Variants in ANKHD1 observed in about 807,000 individuals in gnomAD.
ANKHD1 encodes the protein ankyrin repeat and KH domain-containing protein 1.
Under a neutral mutation model 230.5 loss-of-function variants are expected in ANKHD1, and 31 were observed. That is an observed-to-expected ratio of 0.13 (90% CI 0.10 to 0.18). ANKHD1 has a LOEUF of 0.18. ANKHD1 is among the 10% of genes least tolerant of loss of function. The pLI is 1.00. For missense variants in ANKHD1, 2,256 were observed against 3,071.3 expected (o/e 0.73, Z 6.27); for synonymous variants, 1,074 against 1,117.6 (o/e 0.96, Z 0.78).
Position 140,529,793 on chromosome 5 carries a change from G to A in ANKHD1, c.6847G>A (p.Val2283Ile). The A allele has an allele frequency of 6.2e-7, 1 of 1,613,518 alleles. No individual in the cohort carries two copies. Among genetic ancestry groups the A allele is most frequent in the Non-Finnish European group, 8.5e-7 (1 of 1,179,796 alleles). Residue 2283 changes from valine (V) to isoleucine (I), a missense_variant, in exon 29 of 34, where the codon GTT (valine) becomes ATT (isoleucine). Physicochemically the swap from Val to Ile is conservative, Grantham distance 29. Transcript: ENST00000360839. ...TTCCCAGCGAGTTTCTACTAGTCCA[G>A]TTGGTAAGTTATTAACTATTGCTGC... is the stretch of plus-strand genomic sequence containing the variant. ...PPSQRVSTSP[V>I]GLPSIDPSGS...
chr5:140,408,109 G>A (rs1421674452), intron 1 of ANKHD1, among the ~76,000 whole-genome samples: 2 of 152,216 alleles, frequency 1.3e-5, no homozygotes, highest in South Asian at 2.1e-4. Flanking sequence ...CCCGGGAGAC[G>A]GAGGCTGCAG....
chr5:140,496,443 CTTT>C, intron 14 of ANKHD1, 74 bp from the exon 15 acceptor site: 1 of 718,950 alleles, frequency 1.4e-6, no homozygotes, highest in Non-Finnish European at 1.8e-6. Flanking sequence ...GGCTGGTTTT[CTTT>C]TTTTTTTTTC....
intron 2 of ANKHD1, 132 bp downstream of exon 2, chr5:140,436,389 T>C (rs1773447067): frequency 3.4e-6 from 4 of 1,162,206 alleles, no homozygotes; most frequent in Non-Finnish European, 4.4e-6. Flanking sequence ...TTACTTTTTA[T>C]CTCCCAAAGA....
intron 1 of ANKHD1, among the ~76,000 whole-genome samples, chr5:140,406,767 C>T (rs765796308): frequency 5.9e-5 from 9 of 152,060 alleles, no homozygotes; most frequent in Non-Finnish European, 1.3e-4. Flanking sequence ...AACTCCTGAC[C>T]TCAGGTGATC....
At chr5:140,504,522 A>G (rs112327971) in intron 15 of ANKHD1, among the ~76,000 whole-genome samples, 157 of 152,336 alleles carry the variant, frequency 1.0e-3, no homozygotes, top group Middle Eastern at 6.8e-3. Context: ...GTGCTGTGTT[A>G]AGTATTTTAT....
chr5:140,441,821 T>C (rs1005628558), intron 5 of ANKHD1, among the ~76,000 whole-genome samples: 4 of 152,096 alleles, frequency 2.6e-5, no homozygotes, highest in Non-Finnish European at 5.9e-5. Flanking sequence ...TGTTAATTTG[T>C]TCTATAGTAA....
intron 1 of ANKHD1, among the ~76,000 whole-genome samples, chr5:140,417,405 A>T (rs1383113924): frequency 6.6e-6 from 1 of 151,428 alleles, no homozygotes; most frequent in Non-Finnish European, 1.5e-5. Context: ...TATTTATTTA[A>T]TTAAACATTT....
chr5:140,423,970 C>G (rs1581223726), intron 1 of ANKHD1, among the ~76,000 whole-genome samples: 1 of 152,216 alleles, frequency 6.6e-6, no homozygotes, highest in Non-Finnish European at 1.5e-5. Flanking sequence ...CATTCTGTCA[C>G]TCTTTTGGCC....
chr5:140,428,520 C>T (rs146748151), intron 1 of ANKHD1, among the ~76,000 whole-genome samples: 2,471 of 152,344 alleles, frequency 0.016, 75 homozygotes, highest in African/African-American at 0.056. Flanking sequence ...CCTGCAATCG[C>T]AGGCACTCGG....
In ANKHD1 at chr5:140,402,964, C is replaced by CTTTT. The variant is rs56939861; in HGVS notation, c.306+714_306+717dup. On this transcript the variant is annotated intron_variant, in intron 1 of 33. Coordinates refer to ENST00000360839, the MANE Select transcript of ANKHD1 (RefSeq NM_017747.3). Reference sequence around the variant, plus strand: ...GTGGGGCAACCTGTGGAAACCTCTTCTTTTTTTTTTTTTTTTTTTTTTTTT... The same window carrying CTTTT: ...GTGGGGCAACCTGTGGAAACCTCTTCTTTTTTTTTTTTTTTTTTTTTTTTTTTTT... Among the ~76,000 whole-genome samples, 20 of 73,944 alleles carry CTTTT rather than the reference C, an allele frequency of 2.7e-4. 1 individual carries two copies. Among genetic ancestry groups the CTTTT allele is most frequent in the Non-Finnish European group, 3.5e-4 (13 of 37,054 alleles). The allele number at this position is 73,944 out of a possible 152,430, so 48.5% of individuals were successfully genotyped here.
rs1255206424 is a variant in ANKHD1 at position 140,524,051 on chromosome 5, C to T, written c.4318-15C>T. The T allele has an allele frequency of 3.9e-6, 6 of 1,553,100 alleles. No individual in the cohort carries two copies. Among genetic ancestry groups the T allele is most frequent in the Non-Finnish European group, 5.2e-6 (6 of 1,161,978 alleles). Reference sequence around the variant, plus strand: ...CTGCCTTATTGGTAAAATTATATACCTGCTTTATTTCCAGTCAAGAGAAGA... The same window carrying T: ...CTGCCTTATTGGTAAAATTATATACTTGCTTTATTTCCAGTCAAGAGAAGA... On this transcript the variant is annotated splice_polypyrimidine_tract_variant and intron_variant, in intron 24 of 33. Coordinates refer to ENST00000360839, the MANE Select transcript of ANKHD1 (RefSeq NM_017747.3).
Position 140,529,639 on chromosome 5 carries a change from T to C in ANKHD1, c.6693T>C (p.Gly2231=). 1 of 1,614,214 alleles carries C rather than the reference T, an allele frequency of 6.2e-7. No homozygotes were observed. Among genetic ancestry groups the C allele is most frequent in the South Asian group, 1.1e-5 (1 of 91,086 alleles). ...QVPANQGWGD[G]PLSSRVATDA... ...CAGCTAACCAGGGCTGGGGAGATGGTCCACTGTCCTCACGAGTTGCTACAG... is the reference window on the plus strand; with the variant it reads ...CAGCTAACCAGGGCTGGGGAGATGGCCCACTGTCCTCACGAGTTGCTACAG... Residue 2231 remains glycine, a synonymous_variant, in exon 29 of 34, where the codon GGT becomes GGC. Transcript: ENST00000360839.
At position 140,438,575 on chromosome 5, in the gene ANKHD1, G is replaced by A. The variant is rs145577675; in HGVS notation, c.575G>A (p.Arg192Gln). The A allele has an allele frequency of 3.6e-5, 58 of 1,611,276 alleles. No individual in the cohort carries two copies. Among genetic ancestry groups the A allele is most frequent in the Middle Eastern group, 1.7e-4 (1 of 6,050 alleles). ...ALDEAAAALT[R>Q]MKAENSHNAG... is the part of the protein sequence containing the mutation. Reference sequence around the variant, plus strand: ...GATGAAGCTGCTGCTGCACTGACACGGATGAAAGCAGAAAACAGCCACAAT... The same window carrying A: ...GATGAAGCTGCTGCTGCACTGACACAGATGAAAGCAGAAAACAGCCACAAT... Residue 192 changes from arginine (R) to glutamine (Q), a missense_variant, in exon 3 of 34, where the codon CGG becomes CAG. Physicochemically the swap from Arg to Gln is conservative, Grantham distance 43. Coordinates refer to ENST00000360839, the MANE Select transcript of ANKHD1 (RefSeq NM_017747.3).
intron 9 of ANKHD1, among the ~76,000 whole-genome samples, chr5:140,460,205 T>C (rs1775602954): frequency 6.6e-6 from 1 of 152,156 alleles, no homozygotes; most frequent in Non-Finnish European, 1.5e-5. Flanking sequence ...ATTTGTGCTT[T>C]ATTATTAAGC....
Position 140,496,678 on chromosome 5 carries a change from A to G in ANKHD1, c.2404A>G (p.Lys802Glu), listed in dbSNP as rs1752057143. ...RISAIEKAQLKSLELIQGEPL... is the reference protein window; with the variant it reads ...RISAIEKAQLESLELIQGEPL... ...TAGTGCTATTGAAAAAGCACAGCTT[A>G]AGTCACTGGAGTTAATTCAAGGTGA... The change falls in exon 15 of 34, where the codon AAG (lysine) becomes GAG (glutamate). Residue 802 changes from lysine to glutamate, a missense_variant. By Grantham distance (56) the Lys-to-Glu change is moderately conservative. Around this residue, in one of 13 missense-constraint regions of ANKHD1, gnomAD observed 358 missense variants for 397.7 expected, o/e 0.90. Transcript: ENST00000360839. 6.2e-7 allele frequency: 1 copy of G among 1,613,868 alleles called. No homozygotes were observed.
chr5:140,491,788 C>G (rs1581332608), intron 14 of ANKHD1, among the ~76,000 whole-genome samples: 2 of 152,226 alleles, frequency 1.3e-5, no homozygotes, highest in Middle Eastern at 3.4e-3. Context: ...TCCTTAAGGG[C>G]AGGGTTTATG....
chr5:140,436,453 A>G (rs1311171337), intron 2 of ANKHD1, among the ~76,000 whole-genome samples, 196 bp downstream of exon 2: 1 of 152,204 alleles, frequency 6.6e-6, no homozygotes, highest in Non-Finnish European at 1.5e-5. Context: ...TAAGGTATTA[A>G]GATAATGAGC....
rs775488024 is a variant in ANKHD1, at chr5:140,401,900, G to A, written c.-68G>A. 5 of 1,502,334 alleles carry A rather than the reference G, an allele frequency of 3.3e-6. 1 individual carries two copies. In the South Asian group the frequency reaches 5.4e-5, roughly 16 times the overall value. The allele number at this position is 1,502,334 out of a possible 1,614,324, so 93.1% of individuals were successfully genotyped here. ...GCTTCTTCCTCTTGCTGCTCTTCTC[G>A]TTCCCGAGATCAGCGGCGGCGGTGA... is the stretch of plus-strand genomic sequence containing the variant. On this transcript the variant is annotated 5_prime_UTR_variant, in exon 1 of 34. Coordinates refer to ENST00000360839, the MANE Select transcript of ANKHD1 (RefSeq NM_017747.3).
At chr5:140,450,196 C>T (rs986569077) in intron 7 of ANKHD1, among the ~76,000 whole-genome samples, 2 of 152,114 alleles carry the variant, frequency 1.3e-5, no homozygotes, top group Non-Finnish European at 2.9e-5. Flanking sequence ...TAAATAAGCT[C>T]ATCATTACAC....
Sources: allele counts gnomAD v4.1 joint callset (sites outside exome capture counted in the v4.1 genomes callset), GRCh38; gene constraint gnomAD v4.1.1; regional missense constraint gnomAD v4.1.1; transcripts MANE v1.5; gene names NCBI Gene and HGNC (gene_info 2026-07-23, HGNC 2026-07-21).